The following ANKH variants were observed in gnomAD, a reference collection of about 807,000 sequenced individuals.
ANKH encodes the protein ANKH inorganic pyrophosphate transport regulator.
A neutral mutation model predicts 49.0 loss-of-function variants in ANKH; 15 were observed. That is an observed-to-expected ratio of 0.31 (90% confidence interval 0.20 to 0.47). The LOEUF (loss-of-function observed/expected upper bound fraction) is 0.47. ANKH is among the 20% of genes least tolerant of loss of function. The pLI is 1.00. For synonymous variants in ANKH, 273 were observed against 260.0 expected (o/e 1.05, Z -0.48); for missense variants, 429 against 652.0 (o/e 0.66, Z 3.72).
chr5:14,856,179 T>G (rs1304763344), intron 1 of ANKH, among the ~76,000 whole-genome samples: 1 of 151,742 alleles, frequency 6.6e-6, no homozygotes, highest in Non-Finnish European at 1.5e-5. Context: ...AGGCGGAGGC[T>G]GCAGTGAGCC....
At chr5:14,795,816 C>A (rs1580074874) in intron 1 of ANKH, among the ~76,000 whole-genome samples, 1 of 151,990 alleles carries the variant, frequency 6.6e-6, no homozygotes, top group African/African-American at 2.4e-5. Flanking sequence ...CAAGAATACA[C>A]CACTGCACTC....
At chr5:14,724,489 G>A in intron 8 of ANKH, 1 of 929,374 alleles carries the variant, frequency 1.1e-6, no homozygotes. Flanking sequence ...TCCCCCAATA[G>A]GATCAGAAGG....
At chr5:14,783,166 A>G (rs965003295) in intron 1 of ANKH, among the ~76,000 whole-genome samples, 3 of 151,952 alleles carry the variant, frequency 2.0e-5, no homozygotes, top group Non-Finnish European at 4.4e-5. Flanking sequence ...CAGTCATTAA[A>G]CAAGTTAGTC....
Position 14,712,911 on chromosome 5 carries a change from A to G in ANKH, c.1328T>C (p.Met443Thr), listed in dbSNP as rs532144208. The change falls in exon 11 of 12, where the codon ATG becomes ACG. Residue 443 changes from methionine (M) to threonine (T), a missense_variant. By Grantham distance (81) the Met-to-Thr change is moderately conservative. This residue lies in a region of ANKH where 378 missense variants were observed against 615.3 expected (regional missense o/e 0.61). Transcript: ENST00000284268. ...GACATAGCACGCAGCGATGGCGACC[A>G]TGGTGGATTCTCCCACAAAGCCCGC... Reference protein sequence around the residue: ...LLAGFVGESTMVAIAACYVYR... With the variant: ...LLAGFVGESTTVAIAACYVYR... 1.9e-6 allele frequency: 3 copies of G among 1,613,332 alleles called. No individual in the cohort carries two copies. Among genetic ancestry groups the G allele is most frequent in the Non-Finnish European group, 2.5e-6 (3 of 1,179,846 alleles).
At chr5:14,842,984 G>A (rs879273014) in intron 1 of ANKH, among the ~76,000 whole-genome samples, 1 of 152,152 alleles carries the variant, frequency 6.6e-6, no homozygotes, top group Non-Finnish European at 1.5e-5. Flanking sequence ...TGGTTCTGCT[G>A]TTGGATAGCA....
chr5:14,758,464 G>A lies in ANKH; in HGVS notation c.432+16C>T, dbSNP rs778266251. On this transcript the variant is annotated intron_variant, in intron 3 of 11. Coordinates refer to ENST00000284268, the MANE Select transcript of ANKH (RefSeq NM_054027.6). ...TTAAAGAAAAAGAAAGAAAGCCAAC[G>A]ATCTTCTCTACTCACCATTGCGTCC... 16 of 1,587,314 alleles carry A rather than the reference G, an allele frequency of 1.0e-5. No homozygotes were observed. Among genetic ancestry groups the A allele is most frequent in the East Asian group, 6.7e-5 (3 of 44,736 alleles).
intron 2 of ANKH, among the ~76,000 whole-genome samples, chr5:14,766,401 C>T (rs182035403): frequency 1.1e-4 from 16 of 152,046 alleles, no homozygotes; most frequent in Admixed American, 2.6e-4. Context: ...GTCTCAAAAA[C>T]AAACAAACAA....
At position 14,712,916 on chromosome 5, in the gene ANKH, G is replaced by T. The variant is rs780167218; in HGVS notation, c.1323C>A (p.Ser441=). Reference sequence around the variant, plus strand: ...AGCACGCAGCGATGGCGACCATGGTGGATTCTCCCACAAAGCCCGCCAGGA... The same window carrying T: ...AGCACGCAGCGATGGCGACCATGGTTGATTCTCCCACAAAGCCCGCCAGGA... ...GSLLAGFVGE[S]TMVAIAACYV... is the part of the protein sequence containing the mutation. The change falls in exon 11 of 12, where the codon TCC becomes TCA. Residue 441 remains serine (S), a synonymous_variant. Transcript: ENST00000284268. 1 of 1,613,484 alleles carries T rather than the reference G, an allele frequency of 6.2e-7. No individual in the cohort carries two copies. Among genetic ancestry groups the T allele is most frequent in the Non-Finnish European group, 8.5e-7 (1 of 1,179,884 alleles).
chr5:14,785,107 A>G (rs1379604033), intron 1 of ANKH, among the ~76,000 whole-genome samples: 3 of 152,178 alleles, frequency 2.0e-5, no homozygotes, highest in Admixed American at 2.0e-4. Context: ...CCCCCAAAAT[A>G]TCCACTGCCC....
At chr5:14,712,835 G>A (rs978778318) in intron 11 of ANKH, 39 bp downstream of exon 11, 8 of 1,555,422 alleles carry the variant, frequency 5.1e-6, no homozygotes, top group African/African-American at 1.4e-5. Context: ...CACCCAGGAG[G>A]ATGCACCCGG....
At chr5:14,762,369 G>A (rs1739115185) in intron 2 of ANKH, among the ~76,000 whole-genome samples, 4 of 152,208 alleles carry the variant, frequency 2.6e-5, no homozygotes, top group Non-Finnish European at 5.9e-5. Flanking sequence ...TGGGTGAGAA[G>A]GTGTCCCCAA....
At chr5:14,839,320 A>G (rs1322281803) in intron 1 of ANKH, among the ~76,000 whole-genome samples, 1 of 152,196 alleles carries the variant, frequency 6.6e-6, no homozygotes, top group Non-Finnish European at 1.5e-5. Flanking sequence ...TATCAAGAGT[A>G]GCGAAGACAA....
intron 8 of ANKH, among the ~76,000 whole-genome samples, chr5:14,730,034 A>C (rs1737945506): frequency 6.6e-6 from 1 of 152,214 alleles, no homozygotes; most frequent in Non-Finnish European, 1.5e-5. Flanking sequence ...CAGGCAGTGA[A>C]GCCCAACAGA....
At chr5:14,842,550 C>T (rs1367850834) in intron 1 of ANKH, among the ~76,000 whole-genome samples, 1 of 152,146 alleles carries the variant, frequency 6.6e-6, no homozygotes, top group Non-Finnish European at 1.5e-5. Context: ...CTATAGCCTT[C>T]CTTAGGGACC....
intron 1 of ANKH, among the ~76,000 whole-genome samples, chr5:14,806,084 G>C (rs1204031789): frequency 6.6e-6 from 1 of 152,170 alleles, no homozygotes; most frequent in Non-Finnish European, 1.5e-5. Context: ...CAACTCAGGT[G>C]CAACTGTGCA....
intron 1 of ANKH, among the ~76,000 whole-genome samples, chr5:14,851,484 G>C (rs969913230): frequency 6.6e-6 from 1 of 152,168 alleles, no homozygotes; most frequent in African/African-American, 2.4e-5. Context: ...TGGAACTATT[G>C]CATTTAATGA....
chr5:14,767,564 T>C (rs1292213144), intron 2 of ANKH, among the ~76,000 whole-genome samples: 1 of 152,212 alleles, frequency 6.6e-6, no homozygotes, highest in East Asian at 1.9e-4. Flanking sequence ...AATGACCACA[T>C]TTTCTTCCCG....
chr5:14,858,730 T>C (rs1203355702), intron 1 of ANKH, among the ~76,000 whole-genome samples: 1 of 95,912 alleles, frequency 1.0e-5, no homozygotes, highest in Non-Finnish European at 2.2e-5. Context: ...AATAAATAAA[T>C]AAATAAATAA....
At chr5:14,749,378 AG>A in intron 5 of ANKH, 72 bp from the exon 6 acceptor site, 1 of 1,550,780 alleles carries the variant, frequency 6.4e-7, no homozygotes, top group Non-Finnish European at 8.9e-7. Context: ...TCAGAATCAA[AG>A]CTTTTCCTTC....
Sources: gnomAD v4.1 joint callset for allele counts (sites outside exome capture counted in the v4.1 genomes callset) on GRCh38, gnomAD v4.1.1 for gene constraint, gnomAD v4.1.1 regional missense constraint, MANE v1.5 for transcripts, NCBI Gene and HGNC (gene_info 2026-07-23, HGNC 2026-07-21) for gene names.